ADGRD1: variants seen among roughly 807,000 people sequenced by gnomAD.
The protein encoded by ADGRD1 is adhesion G protein-coupled receptor D1.
ADGRD1 carries 77 observed loss-of-function variants against 113.4 expected under a neutral mutation model. The observed-to-expected ratio is 0.68, with a 90% confidence interval of 0.57 to 0.82. The LOEUF (loss-of-function observed/expected upper bound fraction) is 0.82. ADGRD1 is among the 40% of genes least tolerant of loss of function. ADGRD1 has a pLI of 0.00. For synonymous variants in ADGRD1, 474 were observed against 475.0 expected (o/e 1.00, Z 0.03); for missense variants, 1,036 against 1,139.1 (o/e 0.91, Z 1.30).
intron 3 of ADGRD1, chr12:130,969,259 T>G (rs1365538333): frequency 1.7e-6 from 1 of 572,820 alleles, no homozygotes; most frequent in African/African-American, 1.9e-5. Context: ...TAAAGGAAGA[T>G]TGCAATACAT....
chr12:131,043,516 C>A (rs1202380541), intron 13 of ADGRD1, among the ~76,000 whole-genome samples: 1 of 152,244 alleles, frequency 6.6e-6, no homozygotes, highest in African/African-American at 2.4e-5. Flanking sequence ...CTTGCAGACA[C>A]CATGCAGGCC....
intron 8 of ADGRD1, among the ~76,000 whole-genome samples, chr12:130,997,406 ACGGGGCGGC>A (rs1875695134): frequency 1.8e-5 from 2 of 111,894 alleles, no homozygotes; most frequent in South Asian, 2.6e-4. Context: ...CACTTCTCAG[ACGGGGCGGC>A]TGCCGGGCGG....
intron 15 of ADGRD1, among the ~76,000 whole-genome samples, chr12:131,098,151 G>GGCT (rs138729510): frequency 0.81 from 99,611 of 122,552 alleles, 41,215 homozygotes; most frequent in East Asian, 0.97. Context: ...CCGCTGTCTG[G>GGCT]GCCTCACTTC....
intron 13 of ADGRD1, among the ~76,000 whole-genome samples, chr12:131,031,996 C>T (rs1431527217): frequency 3.9e-5 from 6 of 152,338 alleles, no homozygotes; most frequent in East Asian, 3.9e-4. Context: ...TCTCTCCTAT[C>T]GCAGCCTCCA....
rs186027347 is a variant in ADGRD1, at chr12:131,060,570, G to A, written c.1474-16231G>A. Among the ~76,000 whole-genome samples the A allele has an allele frequency of 9.9e-5, 15 of 152,256 alleles. 1 individual carries two copies. In the East Asian group the frequency reaches 2.9e-3, roughly 29 times the overall value. On this transcript the variant is annotated intron_variant, in intron 13 of 24. Transcript: ENST00000261654. The surrounding 1 kb of genome is among the most constrained non-coding windows in gnomAD (Gnocchi z 4.4). Reference sequence around the variant, plus strand: ...GAGGCCGTGGCCAAGGGGGCCTTACGGACACCAGCAGCCTCTCCAGGGGCA... The same window carrying A: ...GAGGCCGTGGCCAAGGGGGCCTTACAGACACCAGCAGCCTCTCCAGGGGCA...
intron 12 of ADGRD1, among the ~76,000 whole-genome samples, chr12:131,008,099 AT>A (rs1158937609): frequency 6.6e-6 from 1 of 152,202 alleles, no homozygotes; most frequent in Non-Finnish European, 1.5e-5. Flanking sequence ...AATAGCACTG[AT>A]TTCTGAGGAT....
At position 130,954,617 on chromosome 12, in the gene ADGRD1, T is replaced by G; in HGVS notation, c.67-7T>G. ...GTGTGTCTCACACTGTGGTCTTTTG[T>G]GCGCAGGTGCGTGGCGTCTACTCCA... On this transcript the variant is annotated splice_region_variant and splice_polypyrimidine_tract_variant and intron_variant, in intron 1 of 24. Coordinates refer to ENST00000261654, the MANE Select transcript of ADGRD1 (RefSeq NM_198827.5). This position sits in a 1 kb window ranked among gnomAD's most constrained non-coding sequence, Gnocchi z 4.7. The G allele has an allele frequency of 6.2e-7, 1 of 1,613,992 alleles. No homozygotes were observed. The highest frequency in any genetic ancestry group is 1.1e-5 in the South Asian group (1 of 91,076).
intron 4 of ADGRD1, among the ~76,000 whole-genome samples, chr12:130,976,393 C>T (rs1374311829): frequency 3.9e-5 from 6 of 152,174 alleles, no homozygotes; most frequent in African/African-American, 1.4e-4. Context: ...AGTGTATCTC[C>T]AAGTACAGCT....
chr12:131,090,027 G>T (rs1363812842), intron 15 of ADGRD1, among the ~76,000 whole-genome samples: 10 of 152,304 alleles, frequency 6.6e-5, no homozygotes, highest in Non-Finnish European at 1.2e-4. Flanking sequence ...TGTGTTTGTG[G>T]TAGAGGAAGG....
chr12:131,101,649 G>A (rs1725805), intron 15 of ADGRD1, among the ~76,000 whole-genome samples: 88,432 of 151,812 alleles, frequency 0.58, 26,394 homozygotes, highest in East Asian at 0.87. Flanking sequence ...CGGCCTCCCA[G>A]AGTGATTACA....
chr12:131,066,689 A>G (rs1163778217), intron 13 of ADGRD1, among the ~76,000 whole-genome samples: 1 of 152,174 alleles, frequency 6.6e-6, no homozygotes, highest in Non-Finnish European at 1.5e-5. Flanking sequence ...GCAAGATCAG[A>G]TCCCAAGGAG....
At chr12:131,102,439 G>A (rs1429115877) in intron 15 of ADGRD1, among the ~76,000 whole-genome samples, 1 of 152,216 alleles carries the variant, frequency 6.6e-6, no homozygotes, top group Non-Finnish European at 1.5e-5. Flanking sequence ...CCTTCTGCTG[G>A]CAGAAGATGC....
chr12:131,131,336 C>T (rs930012866), intron 20 of ADGRD1, among the ~76,000 whole-genome samples: 4 of 152,208 alleles, frequency 2.6e-5, no homozygotes, highest in Non-Finnish European at 5.9e-5. Context: ...ATTGAGCAGT[C>T]GTTTGCACAG....
intron 5 of ADGRD1, among the ~76,000 whole-genome samples, chr12:130,985,463 A>G (rs942878279): frequency 1.3e-5 from 2 of 151,974 alleles, no homozygotes; most frequent in Non-Finnish European, 2.9e-5. Context: ...TGTTTTTCCT[A>G]TATTATCTTC....
intron 5 of ADGRD1, chr12:130,986,809 A>G: frequency 2.5e-6 from 1 of 393,610 alleles, no homozygotes; most frequent in Non-Finnish European, 4.6e-6. Flanking sequence ...TTTTAATCAC[A>G]CTTGCTTGTG....
chr12:131,074,300 A>C (rs1040908930), intron 13 of ADGRD1, among the ~76,000 whole-genome samples: 3 of 152,222 alleles, frequency 2.0e-5, no homozygotes, highest in African/African-American at 7.2e-5. Flanking sequence ...CTAGTGGGAA[A>C]TTAGGTTACT....
intron 23 of ADGRD1, 25 bp downstream of exon 23, chr12:131,137,039 G>C: frequency 6.3e-7 from 1 of 1,592,302 alleles, no homozygotes; most frequent in East Asian, 2.2e-5. Flanking sequence ...CTTGCTGGCA[G>C]GTGCAGGTGC....
At chr12:131,108,653 G>A (rs1043227026) in intron 17 of ADGRD1, 71 bp from the exon 18 acceptor site, 2 of 1,607,588 alleles carry the variant, frequency 1.2e-6, no homozygotes, top group African/African-American at 2.7e-5. Context: ...GATACTGGGA[G>A]GCTGGGATCA....
chr12:131,112,948 T>C (rs539612436), intron 18 of ADGRD1, among the ~76,000 whole-genome samples: 2 of 152,312 alleles, frequency 1.3e-5, no homozygotes, highest in East Asian at 3.9e-4. Context: ...GCTGCTTTTA[T>C]CTGGAGTAGA....
Sources: gnomAD v4.1 joint callset for allele counts (sites outside exome capture counted in the v4.1 genomes callset) on GRCh38, gnomAD v4.1.1 for gene constraint, Gnocchi (gnomAD v3.1) non-coding constraint, MANE v1.5 for transcripts, NCBI Gene and HGNC (gene_info 2026-07-23, HGNC 2026-07-21) for gene names.